DNAH12: variants seen among roughly 807,000 people sequenced by gnomAD.
DNAH12 encodes the protein dynein axonemal heavy chain 12.
A neutral mutation model predicts 371.5 loss-of-function variants in DNAH12; 285 were observed. That is an observed-to-expected ratio of 0.77 (90% CI 0.70 to 0.85). DNAH12 has a LOEUF of 0.85. Among genes scored for constraint, DNAH12 ranks in the 40% least tolerant of loss-of-function variants. The pLI, the probability that DNAH12 is intolerant of heterozygous loss-of-function variation, is 0.00. For missense variants in DNAH12, 3,611 were observed against 3,689.4 expected, an observed-to-expected ratio of 0.98 and a Z score of 0.55; for synonymous variants, 1,200 against 1,213.0, an observed-to-expected ratio of 0.99 and a Z score of 0.22.
rs1386773629 is a variant in DNAH12, at chr3:57,375,374, C to T, written c.8756G>A (p.Arg2919His). The stretch of plus-strand genomic sequence containing the variant: ...ACAAATAGTTTATATTTCTTACCAA[C>T]GCCTACAGTTGTTAACGATCACTCC... Reference protein sequence around the residue: ...DNGVIVNNCRRWPLMIDPQGQ... With the variant: ...DNGVIVNNCRHWPLMIDPQGQ... Residue 2919 changes from arginine to histidine, a missense_variant, in exon 55 of 74, where the codon CGT becomes CAT. This residue lies in a region of DNAH12 where 2,266 missense variants were observed against 2,236.9 expected (regional missense o/e 1.01). Coordinates refer to ENST00000495027, the MANE Select transcript of DNAH12 (RefSeq NM_001366028.2). The T allele has an allele frequency of 1.3e-5, 2 of 152,168 alleles. No individual in the cohort carries two copies. Among genetic ancestry groups the T allele is most frequent in the Admixed American group, 6.5e-5 (1 of 15,268 alleles). The allele number at this position is 152,168 out of a possible 1,614,324, so 9.4% of individuals were successfully genotyped here. A position where few individuals can be genotyped will look rare whatever the true frequency, so the allele number is the denominator to read the frequency against.
intron 13 of DNAH12, among the ~76,000 whole-genome samples, chr3:57,480,867 CA>C (rs2066717998): frequency 6.6e-6 from 1 of 152,172 alleles, no homozygotes; most frequent in Non-Finnish European, 1.5e-5. Flanking sequence ...CAAAATTCAA[CA>C]GTGCTTCATG....
At chr3:57,504,957 G>C (rs1011002660) in intron 8 of DNAH12, among the ~76,000 whole-genome samples, 1 of 150,136 alleles carries the variant, frequency 6.7e-6, no homozygotes, top group Non-Finnish European at 1.5e-5. Context: ...GCAAGACCTC[G>C]ATTCACTGCA....
At chr3:57,424,749 C>T (rs2064707867) in intron 35 of DNAH12, among the ~76,000 whole-genome samples, 1 of 149,088 alleles carries the variant, frequency 6.7e-6, no homozygotes. Flanking sequence ...CACGTCACTG[C>T]ACTCCAACCT....
chr3:57,464,892 T>C (rs986985275), intron 17 of DNAH12, among the ~76,000 whole-genome samples: 2 of 152,212 alleles, frequency 1.3e-5, no homozygotes, highest in Non-Finnish European at 2.9e-5. Context: ...ACAAATTCCT[T>C]AAAACTACAA....
intron 13 of DNAH12, among the ~76,000 whole-genome samples, chr3:57,479,129 C>T (rs1206798625): frequency 1.6e-5 from 2 of 128,186 alleles, no homozygotes; most frequent in Admixed American, 8.2e-5. Flanking sequence ...CACAGACTGG[C>T]AAATTGGATA....
chr3:57,436,723 G>A (rs906673971), intron 30 of DNAH12, among the ~76,000 whole-genome samples: 2 of 151,840 alleles, frequency 1.3e-5, no homozygotes, highest in Non-Finnish European at 2.9e-5. Context: ...GCAAATGGTG[G>A]TATTTATTAG....
chr3:57,403,904 T>C (rs550011241), intron 42 of DNAH12, among the ~76,000 whole-genome samples: 171 of 152,298 alleles, frequency 1.1e-3, no homozygotes, highest in African/African-American at 4.0e-3. Flanking sequence ...ATTAGGTTAA[T>C]TAAAATTAAA....
chr3:57,531,625 G>A (rs1393054659), intron 2 of DNAH12, among the ~76,000 whole-genome samples: 1 of 151,888 alleles, frequency 6.6e-6, no homozygotes, highest in African/African-American at 2.4e-5. Flanking sequence ...ATATCTGGGT[G>A]TGGCGGCATG....
intron 52 of DNAH12, 46 bp from the exon 53 acceptor site, chr3:57,377,268 C>G (rs1410896282): frequency 6.6e-6 from 1 of 152,092 alleles, no homozygotes; most frequent in African/African-American, 2.4e-5. Context: ...CTTTGTAAAA[C>G]TGATATCTAT....
intron 2 of DNAH12, among the ~76,000 whole-genome samples, chr3:57,529,223 G>GT (rs1178562828): frequency 7.9e-5 from 12 of 152,104 alleles, no homozygotes; most frequent in African/African-American, 2.9e-4. Context: ...TCTTTGTCTG[G>GT]TTTTGGTATC....
intron 65 of DNAH12, among the ~76,000 whole-genome samples, chr3:57,321,287 A>G (rs1401416245): frequency 6.6e-6 from 1 of 152,202 alleles, no homozygotes; most frequent in Non-Finnish European, 1.5e-5. Context: ...ATTATGGCGC[A>G]GAACTAGGGT....
At chr3:57,534,665 T>G (rs1032383969) in intron 2 of DNAH12, among the ~76,000 whole-genome samples, 1 of 151,990 alleles carries the variant, frequency 6.6e-6, no homozygotes, top group Non-Finnish European at 1.5e-5. Flanking sequence ...TATGCCACCA[T>G]GCCCGGCTAA....
At chr3:57,325,938 C>T (rs1399274956) in intron 62 of DNAH12, among the ~76,000 whole-genome samples, 8 of 151,980 alleles carry the variant, frequency 5.3e-5, no homozygotes, top group South Asian at 2.1e-4. Context: ...CCTCAGGAGC[C>T]GATGCGATCA....
At chr3:57,499,643 AAAAAATATATAT>A (rs1258956093) in intron 11 of DNAH12, among the ~76,000 whole-genome samples, 5 of 24,580 alleles carry the variant, frequency 2.0e-4, no homozygotes, top group Non-Finnish European at 4.7e-4. Context: ...AAAAAAAAAA[AAAAAATATATAT>A]ATATATATAT....
chr3:57,313,793 C>T (rs748721858), intron 66 of DNAH12, among the ~76,000 whole-genome samples: 3 of 152,040 alleles, frequency 2.0e-5, no homozygotes, highest in Non-Finnish European at 2.9e-5. Context: ...GGCAACACAG[C>T]GAGACCCCAT....
At chr3:57,462,325 C>T (rs1203611843) in intron 18 of DNAH12, among the ~76,000 whole-genome samples, 3 of 152,148 alleles carry the variant, frequency 2.0e-5, no homozygotes, top group African/African-American at 4.8e-5. Context: ...GATCTCAGCT[C>T]ACTGCAACCT....
chr3:57,352,062 T>A (rs1553660519), intron 60 of DNAH12, 23 bp downstream of exon 60: 7 of 1,489,804 alleles, frequency 4.7e-6, no homozygotes, highest in East Asian at 5.1e-5. Context: ...ATAAATAAAT[T>A]ATGGTAAAAG....
intron 66 of DNAH12, among the ~76,000 whole-genome samples, chr3:57,312,762 G>A (rs1486254719): frequency 2.6e-5 from 4 of 152,218 alleles, no homozygotes; most frequent in South Asian, 2.1e-4. Flanking sequence ...TAAAATCAAC[G>A]TCATTTCATC....
At chr3:57,510,714 A>T in intron 5 of DNAH12, 76 bp downstream of exon 5, 1 of 1,338,828 alleles carries the variant, frequency 7.5e-7, no homozygotes, top group Non-Finnish European at 1.0e-6. Flanking sequence ...CATTTTGCTT[A>T]TTTCTATTTT....
Sources: gnomAD v4.1 joint callset for allele counts (sites outside exome capture counted in the v4.1 genomes callset) on GRCh38, gnomAD v4.1.1 for gene constraint, gnomAD v4.1.1 regional missense constraint, MANE v1.5 for transcripts, NCBI Gene and HGNC (gene_info 2026-07-23, HGNC 2026-07-21) for gene names.